The following ST18 variants were observed in gnomAD, a reference collection of about 807,000 sequenced individuals.
ST18 encodes the protein ST18 C2H2C-type zinc finger transcription factor, also known as suppression of tumorigenicity 18 protein.
In ST18, 50 loss-of-function variants were observed where a neutral mutation model predicts 110.0. That is an observed-to-expected ratio of 0.45 (90% CI 0.36 to 0.58). The LOEUF is 0.58. Ranked by LOEUF, ST18 falls within the 20% of genes least tolerant of loss-of-function variation. The pLI is 0.00. For missense variants in ST18, 1,306 were observed against 1,280.1 expected, an observed-to-expected ratio of 1.02 and a Z score of -0.31; for synonymous variants, 461 against 452.4, an observed-to-expected ratio of 1.02 and a Z score of -0.24.
chr8:52,280,041 A>T (rs1050646459), intron 2 of ST18, among the ~76,000 whole-genome samples: 9 of 152,146 alleles, frequency 5.9e-5, no homozygotes, highest in African/African-American at 2.2e-4. Flanking sequence ...AGGAGACAGG[A>T]GGGTGGGTTT....
chr8:52,128,738 TG>T (rs1470159785), intron 22 of ST18, among the ~76,000 whole-genome samples: 7 of 152,104 alleles, frequency 4.6e-5, no homozygotes, highest in Non-Finnish European at 1.0e-4. Flanking sequence ...TTAGGGGAAG[TG>T]GGGTGACACT....
chr8:52,215,673 C>T (rs1456360608), intron 6 of ST18, among the ~76,000 whole-genome samples: 1 of 152,180 alleles, frequency 6.6e-6, no homozygotes, highest in East Asian at 1.9e-4. Context: ...TACTTTAAAA[C>T]TACACAATAA....
chr8:52,323,860 T>C (rs547821643), intron 2 of ST18, among the ~76,000 whole-genome samples: 76 of 152,276 alleles, frequency 5.0e-4, no homozygotes, highest in South Asian at 2.5e-3. Context: ...AAGTATGACC[T>C]TTGGAATGGG....
chr8:52,302,857 T>C lies in ST18; in HGVS notation c.-464-72780A>G, dbSNP rs188404792. On this transcript the variant is annotated intron_variant, in intron 2 of 25. Transcript: ENST00000689386. Reference sequence around the variant, plus strand: ...TTAGAGTAGAATACCAAAAAATACATAGAAGGAAGTCATTAGAAACATCAC... The same window carrying C: ...TTAGAGTAGAATACCAAAAAATACACAGAAGGAAGTCATTAGAAACATCAC... Among the ~76,000 whole-genome samples the C allele has an allele frequency of 1.5e-4, 23 of 152,170 alleles. No individual in the cohort carries two copies. The East Asian group carries it at 2.9e-3, about 19-fold the overall frequency.
chr8:52,321,323 T>C (rs1327388353), intron 2 of ST18, among the ~76,000 whole-genome samples: 5 of 152,174 alleles, frequency 3.3e-5, no homozygotes, highest in African/African-American at 9.7e-5. Context: ...AACATGATAA[T>C]ACTTCTTATA....
intron 2 of ST18, among the ~76,000 whole-genome samples, chr8:52,362,080 T>C (rs533247702): frequency 6.6e-6 from 1 of 152,210 alleles, no homozygotes; most frequent in African/African-American, 2.4e-5. Flanking sequence ...GAGGGGGTTA[T>C]AAAATCAGCT....
Position 52,132,179 on chromosome 8 carries a change from T to A in ST18, c.2445A>T (p.Lys815Asn), listed in dbSNP as rs758681620. ...TKEEKEDPEL[K>N]CPVIGCDGQG... ...GGCCATCACACCCTATCACAGGACA[T>A]CTAGAGAGAAAGCAGAGACATTACC... The change falls in exon 22 of 26, where the codon AAA (lysine) becomes AAT (asparagine). Residue 815 changes from lysine to asparagine, a missense_variant and splice_region_variant. By Grantham distance (94) the Lys-to-Asn change is moderately conservative. Coordinates refer to ENST00000689386, the MANE Select transcript of ST18 (RefSeq NM_001352837.2). 4.4e-6 allele frequency: 7 copies of A among 1,608,396 alleles called. No homozygotes were observed. Among genetic ancestry groups the A allele is most frequent in the Non-Finnish European group, 5.9e-6 (7 of 1,177,546 alleles).
At chr8:52,366,415 C>T (rs1046883750) in intron 2 of ST18, among the ~76,000 whole-genome samples, 3 of 152,202 alleles carry the variant, frequency 2.0e-5, no homozygotes, top group Non-Finnish European at 2.9e-5. Context: ...GGAGGCCCTA[C>T]AAGATCTGGC....
chr8:52,161,291 G>T, intron 14 of ST18, 84 bp downstream of exon 14: 1 of 1,412,232 alleles, frequency 7.1e-7, no homozygotes, highest in Non-Finnish European at 9.7e-7. Context: ...ATATATTTAA[G>T]TACAGCCCCC....
rs754421796 is a variant in ST18 at position 52,172,396 on chromosome 8, C to T, written c.465G>A (p.Gln155=). Residue 155 remains glutamine, a synonymous_variant, in exon 10 of 26, where the codon CAG becomes CAA. Coordinates refer to ENST00000689386, the MANE Select transcript of ST18 (RefSeq NM_001352837.2). ...CTTCATCGCTCTCTGCTTTTAAAGA[C>T]TGGATGCCACTGTCATTTAAATTTT... ...VSENLNDSGI[Q]SLKAESDEAD... is the part of the protein sequence containing the mutation. 6 of 1,613,868 alleles carry T rather than the reference C, an allele frequency of 3.7e-6. No homozygotes were observed. The East Asian group carries it at 6.7e-5, about 18-fold the overall frequency.
intron 2 of ST18, among the ~76,000 whole-genome samples, chr8:52,320,883 C>T (rs1264259095): frequency 2.6e-5 from 4 of 152,166 alleles, no homozygotes; most frequent in Non-Finnish European, 5.9e-5. Flanking sequence ...AGGATGCTCA[C>T]GCTGCATTGT....
chr8:52,227,084 A>G lies in ST18; in HGVS notation c.-419+2948T>C, dbSNP rs1193857334. ...TGGGAGAATATATTGAAACTTGAAA[A>G]GCAAATGACATGACTCAATTGTGGA... On this transcript the variant is annotated intron_variant, in intron 3 of 25. Coordinates refer to ENST00000689386, the MANE Select transcript of ST18 (RefSeq NM_001352837.2). Among the ~76,000 whole-genome samples, 4 of 152,332 alleles carry G rather than the reference A, an allele frequency of 2.6e-5. No homozygotes were observed. The South Asian group carries it at 8.3e-4, about 32-fold the overall frequency.
At chr8:52,328,056 A>G (rs1807306112) in intron 2 of ST18, among the ~76,000 whole-genome samples, 1 of 152,238 alleles carries the variant, frequency 6.6e-6, no homozygotes, top group Non-Finnish European at 1.5e-5. Flanking sequence ...AACTCAAGAA[A>G]CAAAGCCTAA....
intron 7 of ST18, among the ~76,000 whole-genome samples, chr8:52,212,334 C>T (rs549736399): frequency 5.9e-5 from 9 of 152,176 alleles, no homozygotes; most frequent in African/African-American, 1.9e-4. Context: ...GCCTGATAAT[C>T]GTAGATTGGA....
intron 8 of ST18, among the ~76,000 whole-genome samples, chr8:52,202,862 G>T (rs963072174): frequency 1.1e-4 from 17 of 152,128 alleles, no homozygotes; most frequent in Non-Finnish European, 1.3e-4. Context: ...TTGGTGGGAA[G>T]GGGGATAAAA....
chr8:52,131,235 C>G (rs918217941), intron 22 of ST18, among the ~76,000 whole-genome samples: 1 of 152,114 alleles, frequency 6.6e-6, no homozygotes, highest in Admixed American at 6.5e-5. Context: ...GATTTTAAAC[C>G]AGCATCATGT....
At chr8:52,205,263 A>G (rs888292101) in intron 8 of ST18, among the ~76,000 whole-genome samples, 4 of 151,664 alleles carry the variant, frequency 2.6e-5, no homozygotes, top group African/African-American at 4.8e-5. Flanking sequence ...TGGTTAGGCT[A>G]CTATGAAGGA....
At chr8:52,190,483 A>G (rs1009786498) in intron 8 of ST18, among the ~76,000 whole-genome samples, 3 of 152,190 alleles carry the variant, frequency 2.0e-5, no homozygotes, top group Non-Finnish European at 4.4e-5. Context: ...CATCACGTCA[A>G]ACAAGTACTG....
At chr8:52,273,725 C>G (rs1219296954) in intron 2 of ST18, among the ~76,000 whole-genome samples, 1 of 152,032 alleles carries the variant, frequency 6.6e-6, no homozygotes, top group Non-Finnish European at 1.5e-5. Context: ...ATTTTGAGTC[C>G]CCAGTTAGAT....
Sources: gnomAD v4.1 joint callset for allele counts (sites outside exome capture counted in the v4.1 genomes callset) on GRCh38, gnomAD v4.1.1 for gene constraint, MANE v1.5 for transcripts, NCBI Gene and HGNC (gene_info 2026-07-23, HGNC 2026-07-21) for gene names.